Variants in PEX11G observed in about 807,000 individuals in gnomAD.
PEX11G encodes the protein peroxisomal biogenesis factor 11 gamma, also known as peroxisomal membrane protein 11C.
PEX11G carries 20 observed loss-of-function variants against 22.5 expected under a neutral mutation model. The observed-to-expected ratio is 0.89, with a 90% CI of 0.62 to 1.29. The LOEUF is 1.29. Ranked by LOEUF, PEX11G falls within the 50% of genes most tolerant of loss-of-function variation. The pLI is 0.00. For missense variants in PEX11G, 347 were observed against 331.3 expected, an observed-to-expected ratio of 1.05 and a Z score of -0.37; for synonymous variants, 141 against 154.5, an observed-to-expected ratio of 0.91 and a Z score of 0.65.
At position 7,482,272 on chromosome 19, in the gene PEX11G, C is replaced by T. The variant is rs544192884; in HGVS notation, c.250-61G>A. 2.6e-5 allele frequency: 38 copies of T among 1,464,420 alleles called. No homozygotes were observed. In the African/African-American group the frequency reaches 2.7e-4, roughly 10 times the overall value. 90.7% of individuals were successfully genotyped at this position (1,464,420 alleles called of 1,614,324 possible). A position where few individuals can be genotyped will look rare whatever the true frequency, so the allele number is the denominator to read the frequency against. On this transcript the variant is annotated intron_variant, in intron 2 of 4. Transcript: ENST00000221480. The stretch of plus-strand genomic sequence containing the variant: ...ACTTACCCACTGCCCATTTTAGCAC[C>T]GTAGCCATGCCAGGTGGCAGAGAGC...
intron 4 of PEX11G, 61 bp from the exon 5 acceptor site, chr19:7,477,497 C>T: frequency 7.7e-7 from 1 of 1,302,082 alleles, no homozygotes; most frequent in Non-Finnish European, 1.0e-6. Context: ...TTCCCAAGCC[C>T]CTGAATGCCC....
intron 3 of PEX11G, among the ~76,000 whole-genome samples, chr19:7,478,668 G>T (rs1186529156): frequency 6.6e-6 from 1 of 152,216 alleles, no homozygotes; most frequent in Non-Finnish European, 1.5e-5. Flanking sequence ...GGAACATCAA[G>T]CCCCGTGAGG....
At chr19:7,477,738 A>C (rs1977290858) in intron 4 of PEX11G, among the ~76,000 whole-genome samples, 2 of 152,234 alleles carry the variant, frequency 1.3e-5, no homozygotes, top group African/African-American at 4.8e-5. Flanking sequence ...GCACTTTGGG[A>C]GGTGTGGAGG....
chr19:7,490,629 G>A (rs2021865801), upstream of PEX11G, among the ~76,000 whole-genome samples: 1 of 140,068 alleles, frequency 7.1e-6, no homozygotes, highest in Admixed American at 7.3e-5. Flanking sequence ...GTGAGCCACC[G>A]CGCCTGGCCT....
At chr19:7,489,174 AG>A, upstream of PEX11G, 1 of 760,640 alleles carries the variant, frequency 1.3e-6, no homozygotes, top group Non-Finnish European at 1.6e-6. Context: ...GAGTTTGCAG[AG>A]GTGGGGCCGA....
chr19:7,494,902 G>A (rs2021950710), intron 1 of PEX11G, among the ~76,000 whole-genome samples: 8 of 152,180 alleles, frequency 5.3e-5, no homozygotes, highest in Admixed American at 5.2e-4. Flanking sequence ...GACCTCCTCT[G>A]CTACTAGCTA....
At chr19:7,477,993 G>C (rs960673803) in intron 4 of PEX11G, among the ~76,000 whole-genome samples, 1 of 152,242 alleles carries the variant, frequency 6.6e-6, no homozygotes, top group African/African-American at 2.4e-5. Flanking sequence ...CTGTGCTCCA[G>C]CCTGGGCAAC....
At chr19:7,477,569 G>A in intron 4 of PEX11G, 133 bp from the exon 5 acceptor site, 1 of 717,442 alleles carries the variant, frequency 1.4e-6, no homozygotes, top group Non-Finnish European at 2.1e-6. Flanking sequence ...GGACTGAGGT[G>A]GCCTCCCTGA....
chr19:7,480,524 A>G (rs1977442989), intron 3 of PEX11G, among the ~76,000 whole-genome samples: 1 of 151,848 alleles, frequency 6.6e-6, no homozygotes, highest in South Asian at 2.1e-4. Flanking sequence ...CAAAATGCAC[A>G]GGCAGGGTAT....
Position 7,485,919 on chromosome 19 carries a change from G to A in PEX11G, c.168C>T (p.Leu56=). The change falls in exon 2 of 5, where the codon CTC becomes CTT. Residue 56 remains leucine, a synonymous_variant. Coordinates refer to ENST00000221480, the MANE Select transcript of PEX11G (RefSeq NM_080662.4). ...GTRLLVVSTQ[L]SHCRTILRLF... The stretch of plus-strand genomic sequence containing the variant: ...GTCGCAAGATGGTCCTGCAGTGGCT[G>A]AGTTGGGTGGACACCACCAACAGAC... The A allele has an allele frequency of 1.2e-6, 2 of 1,613,808 alleles. No individual in the cohort carries two copies. Among genetic ancestry groups the A allele is most frequent in the Non-Finnish European group, 1.7e-6 (2 of 1,179,744 alleles).
intron 2 of PEX11G, among the ~76,000 whole-genome samples, chr19:7,482,661 T>C (rs1977550989): frequency 6.6e-6 from 1 of 152,200 alleles, no homozygotes. Context: ...GGGACCTCTG[T>C]TGCCAGACTC....
intron 2 of PEX11G, 89 bp downstream of exon 2, chr19:7,485,749 A>G: frequency 8.2e-7 from 1 of 1,213,774 alleles, no homozygotes; most frequent in East Asian, 2.5e-5. Flanking sequence ...GATTACAAGC[A>G]TGAGCCACTG....
At chr19:7,482,674 T>G (rs887516456) in intron 2 of PEX11G, among the ~76,000 whole-genome samples, 2 of 152,222 alleles carry the variant, frequency 1.3e-5, no homozygotes, top group Admixed American at 6.5e-5. Flanking sequence ...CCAGACTCTA[T>G]GCAGGGAGCA....
Position 7,480,266 on chromosome 19 carries a change from T to C in PEX11G, c.428+1767A>G, listed in dbSNP as rs150898759. On this transcript the variant is annotated intron_variant, in intron 3 of 4. Coordinates refer to ENST00000221480, the MANE Select transcript of PEX11G (RefSeq NM_080662.4). ...CTGTCTCAAAAAAAAAAAAAAAGTT[T>C]ATTTAAGCAAAAAAGAAAGGAACCA... 9.8e-4 allele frequency among the ~76,000 whole-genome samples: 149 copies of C among 151,478 alleles called. No individual in the cohort carries two copies. In the Middle Eastern group the frequency reaches 0.024, roughly 24 times the overall value.
At chr19:7,481,331 G>T (rs560334981) in intron 3 of PEX11G, among the ~76,000 whole-genome samples, 1 of 152,206 alleles carries the variant, frequency 6.6e-6, no homozygotes, top group African/African-American at 2.4e-5. Context: ...CTCCCAAGTA[G>T]CTGGGATTAC....
intron 1 of PEX11G, among the ~76,000 whole-genome samples, chr19:7,487,097 TGGA>T (rs1335545361): frequency 1.3e-5 from 2 of 151,886 alleles, no homozygotes; most frequent in Non-Finnish European, 2.9e-5. Flanking sequence ...AAAACATACT[TGGA>T]GGTGGGACAA....
chr19:7,493,115 C>G (rs1056966602), upstream of PEX11G: 6 of 152,188 alleles, frequency 3.9e-5, no homozygotes, highest in African/African-American at 1.4e-4. Context: ...TTCTTGTGCT[C>G]CAAGGGAGCA....
intron 3 of PEX11G, among the ~76,000 whole-genome samples, chr19:7,480,485 G>A (rs1386179662): frequency 6.6e-6 from 1 of 152,186 alleles, no homozygotes; most frequent in Admixed American, 6.5e-5. Context: ...AGGGGCCATG[G>A]CCATGAAACA....
Position 7,477,236 on chromosome 19 carries a change from C to T in PEX11G, c.692G>A (p.Arg231Gln), listed in dbSNP as rs372556304. The change falls in exon 5 of 5, where the codon CGG (arginine) becomes CAG (glutamine). Residue 231 changes from arginine (R) to glutamine (Q), a missense_variant. Physicochemically the swap from Arg to Gln is conservative, Grantham distance 43 (BLOSUM62 1). Transcript: ENST00000221480. Reference sequence around the variant, plus strand: ...AGTGGCCTCGGCCTGGCCGCCGGCCCGGGCCGCCTGGTACATGCTGAGGAT... The same window carrying T: ...AGTGGCCTCGGCCTGGCCGCCGGCCTGGGCCGCCTGGTACATGCTGAGGAT... ...SSILSMYQAA[R>Q]AGGQAEATTP The T allele has an allele frequency of 4.5e-5, 70 of 1,543,564 alleles. 1 individual carries two copies. The highest frequency in any genetic ancestry group is 3.5e-4 in the African/African-American group (25 of 72,258).
Sources: allele counts gnomAD v4.1 joint callset (sites outside exome capture counted in the v4.1 genomes callset), GRCh38; gene constraint gnomAD v4.1.1; transcripts MANE v1.5; gene names NCBI Gene and HGNC (gene_info 2026-07-23, HGNC 2026-07-21).